The following DPP10 variants were observed in gnomAD, a reference collection of about 807,000 sequenced individuals.
The protein encoded by DPP10 is inactive dipeptidyl peptidase 10.
Under a neutral mutation model 120.9 loss-of-function variants are expected in DPP10, and 33 were observed. That is an observed-to-expected ratio of 0.27 (90% CI 0.21 to 0.37). The LOEUF (loss-of-function observed/expected upper bound fraction) is 0.37. DPP10 is among the 10% of genes least tolerant of loss of function. DPP10 has a pLI of 1.00. For synonymous variants in DPP10, 337 were observed against 326.1 expected (o/e 1.03, Z -0.36); for missense variants, 816 against 942.8 (o/e 0.87, Z 1.76).
At chr2:115,827,349 G>A (rs1351415499) in intron 21 of DPP10, among the ~76,000 whole-genome samples, 1 of 31,552 alleles carries the variant, frequency 3.2e-5, no homozygotes, top group South Asian at 1.2e-3. Flanking sequence ...GTATATATAT[G>A]TACATATATA....
intron 1 of DPP10, among the ~76,000 whole-genome samples, chr2:114,918,800 G>T (rs1384835717): frequency 1.3e-5 from 2 of 152,134 alleles, no homozygotes; most frequent in Non-Finnish European, 2.9e-5. Context: ...ACTTAAGGGT[G>T]CAGGGTGGGA....
chr2:114,782,803 C>G (rs1392072415), intron 1 of DPP10, among the ~76,000 whole-genome samples: 1 of 152,036 alleles, frequency 6.6e-6, no homozygotes, highest in Non-Finnish European at 1.5e-5. Flanking sequence ...TTCAAATTAG[C>G]TTGTTTCAGT....
At chr2:115,836,050 C>G in intron 21 of DPP10, 107 bp from the exon 22 acceptor site, 1 of 586,720 alleles carries the variant, frequency 1.7e-6, no homozygotes. Flanking sequence ...TGATCAAAAG[C>G]TAAAAATGTC....
chr2:115,584,136 A>G lies in DPP10; in HGVS notation c.441+58164A>G, dbSNP rs535394096. On this transcript the variant is annotated intron_variant, in intron 5 of 25. Coordinates refer to ENST00000410059, the MANE Select transcript of DPP10 (RefSeq NM_020868.6). Reference sequence around the variant, plus strand: ...CTGTATCATGTTGACCATTTTTACCATATCAGGGTCCTTCTTGAAGTATTG... The same window carrying G: ...CTGTATCATGTTGACCATTTTTACCGTATCAGGGTCCTTCTTGAAGTATTG... Among the ~76,000 whole-genome samples, 50 of 152,312 alleles carry G rather than the reference A, an allele frequency of 3.3e-4. No homozygotes were observed. The South Asian group carries it at 5.2e-3, about 16-fold the overall frequency.
chr2:115,805,131 C>T (rs1559177691), intron 19 of DPP10, among the ~76,000 whole-genome samples: 2 of 152,166 alleles, frequency 1.3e-5, no homozygotes, highest in Non-Finnish European at 2.9e-5. Context: ...TCAGCAATGG[C>T]AGGCGCCCCT....
chr2:115,095,042 C>A (rs1481657893), intron 1 of DPP10, among the ~76,000 whole-genome samples: 1 of 152,050 alleles, frequency 6.6e-6, no homozygotes, highest in Non-Finnish European at 1.5e-5. Flanking sequence ...CCGTAGTTGA[C>A]CTAAATAATT....
chr2:115,610,255 C>T (rs1429634855), intron 5 of DPP10, among the ~76,000 whole-genome samples: 6 of 152,114 alleles, frequency 3.9e-5, no homozygotes. Context: ...CTGCATAAGA[C>T]TCAAGATATG....
intron 1 of DPP10, among the ~76,000 whole-genome samples, chr2:114,682,560 T>A (rs1283074376): frequency 6.7e-6 from 1 of 148,950 alleles, no homozygotes; most frequent in Non-Finnish European, 1.5e-5. Flanking sequence ...TAAATTGCAA[T>A]CGATGGGTAA....
At chr2:115,706,096 A>G (rs1036478787) in intron 7 of DPP10, among the ~76,000 whole-genome samples, 1 of 152,060 alleles carries the variant, frequency 6.6e-6, no homozygotes. Flanking sequence ...TATATTACAT[A>G]TGTAAATGTA....
intron 1 of DPP10, among the ~76,000 whole-genome samples, chr2:114,804,154 G>C (rs2106294545): frequency 6.6e-6 from 1 of 152,374 alleles, no homozygotes; most frequent in South Asian, 2.1e-4. Context: ...AGCCTTGGCA[G>C]CTTCCATGTG....
chr2:115,604,796 C>T (rs1439282018), intron 5 of DPP10, among the ~76,000 whole-genome samples: 1 of 152,178 alleles, frequency 6.6e-6, no homozygotes, highest in Non-Finnish European at 1.5e-5. Context: ...GTAGCCACCT[C>T]CTTCTTACCA....
intron 7 of DPP10, among the ~76,000 whole-genome samples, chr2:115,720,944 G>A (rs1297477552): frequency 6.6e-6 from 1 of 152,174 alleles, no homozygotes; most frequent in Non-Finnish European, 1.5e-5. Context: ...AAAAAGAGCT[G>A]AGGATATGGT....
chr2:114,527,854 A>G (rs1169936783), intron 1 of DPP10, among the ~76,000 whole-genome samples: 2 of 152,206 alleles, frequency 1.3e-5, no homozygotes, highest in Admixed American at 6.5e-5. Flanking sequence ...CAATTGTAGC[A>G]CAATGATAAG....
At chr2:114,844,068 GT>G (rs1442165992) in intron 1 of DPP10, among the ~76,000 whole-genome samples, 61 of 152,078 alleles carry the variant, frequency 4.0e-4, no homozygotes, top group Non-Finnish European at 7.6e-4. Flanking sequence ...TCTTATTATA[GT>G]GAGCACTGCT....
At chr2:114,740,772 A>G (rs1446749507) in intron 1 of DPP10, among the ~76,000 whole-genome samples, 1 of 152,194 alleles carries the variant, frequency 6.6e-6, no homozygotes, top group Non-Finnish European at 1.5e-5. Flanking sequence ...GAAACAGACT[A>G]TGGACAAGTG....
chr2:115,460,259 T>A (rs139402313), intron 3 of DPP10, among the ~76,000 whole-genome samples: 83 of 152,226 alleles, frequency 5.5e-4, no homozygotes, highest in African/African-American at 1.9e-3. Context: ...ATGGCTTACA[T>A]TTTTCATAAC....
chr2:115,102,120 C>T (rs1375120315), intron 1 of DPP10, among the ~76,000 whole-genome samples: 4 of 152,146 alleles, frequency 2.6e-5, no homozygotes. Context: ...CTGGAGAGTC[C>T]AAGATCAAGA....
At chr2:114,591,838 C>A (rs773446519) in intron 1 of DPP10, among the ~76,000 whole-genome samples, 6 of 151,964 alleles carry the variant, frequency 3.9e-5, no homozygotes, top group African/African-American at 4.8e-5. Context: ...TGAGCCACTG[C>A]ACCTGGCCAA....
At chr2:115,243,683 A>G (rs1478020365) in intron 1 of DPP10, among the ~76,000 whole-genome samples, 1 of 152,098 alleles carries the variant, frequency 6.6e-6, no homozygotes, top group Non-Finnish European at 1.5e-5. Flanking sequence ...ACCAACAAGT[A>G]TTTGACTCAT....
Sources: gnomAD v4.1 joint callset for allele counts (sites outside exome capture counted in the v4.1 genomes callset) on GRCh38, gnomAD v4.1.1 for gene constraint, MANE v1.5 for transcripts, NCBI Gene and HGNC (gene_info 2026-07-23, HGNC 2026-07-21) for gene names.